The following TNIK variants were observed in gnomAD, a reference collection of about 807,000 sequenced individuals.
TNIK encodes TRAF2 and NCK interacting kinase, also known as TRAF2 and NCK-interacting protein kinase.
TNIK carries 49 observed loss-of-function variants against 191.3 expected under a neutral mutation model. The ratio of observed to expected loss-of-function variants is 0.26; its 90% CI spans 0.20 to 0.32. TNIK has a LOEUF of 0.32. Ranked by LOEUF, TNIK falls within the 10% of genes least tolerant of loss-of-function variation. The pLI, the probability that TNIK is intolerant of heterozygous loss-of-function variation, is 1.00. For missense variants in TNIK, 1,155 were observed against 1,702.3 expected, an observed-to-expected ratio of 0.68 and a Z score of 5.66; for synonymous variants, 594 against 600.9, an observed-to-expected ratio of 0.99 and a Z score of 0.17.
At chr3:171,334,333 C>T (rs763127942) in intron 2 of TNIK, among the ~76,000 whole-genome samples, 5 of 152,148 alleles carry the variant, frequency 3.3e-5, no homozygotes, top group Non-Finnish European at 7.3e-5. Context: ...AACTGGAAGG[C>T]GCCTTCCTGA....
chr3:171,427,929 G>T (rs893470513), intron 1 of TNIK, among the ~76,000 whole-genome samples: 1 of 152,136 alleles, frequency 6.6e-6, no homozygotes, highest in African/African-American at 2.4e-5. Flanking sequence ...GCACTCCTAC[G>T]TGAGAGGACG....
rs780879082 is a variant in TNIK at position 171,063,691 on chromosome 3, C to G, written c.*190G>C. ...CTGGAAATTCCTGCCACCTTTTTCTCTCCTTCTCAACCAGGCTGCAACATT... is the reference window on the plus strand; with the variant it reads ...CTGGAAATTCCTGCCACCTTTTTCTGTCCTTCTCAACCAGGCTGCAACATT... On this transcript the variant is annotated 3_prime_UTR_variant, in exon 33 of 33. Transcript: ENST00000436636. The G allele has an allele frequency of 2.0e-5, 10 of 510,056 alleles. No homozygotes were observed. Among genetic ancestry groups the G allele is most frequent in the South Asian group, 7.0e-5 (2 of 28,630 alleles). 31.6% of individuals were successfully genotyped at this position (510,056 alleles called of 1,614,324 possible).
intron 10 of TNIK, among the ~76,000 whole-genome samples, chr3:171,166,615 C>T (rs946338294): frequency 1.3e-5 from 2 of 152,172 alleles, no homozygotes; most frequent in East Asian, 3.8e-4. Flanking sequence ...ATGATCTTTT[C>T]TATCACTGCA....
chr3:171,318,204 G>A (rs1754837892), intron 2 of TNIK, among the ~76,000 whole-genome samples: 1 of 152,080 alleles, frequency 6.6e-6, no homozygotes, highest in Admixed American at 6.6e-5. Context: ...TCTGGAAACA[G>A]GTTTGCTGCT....
intron 2 of TNIK, among the ~76,000 whole-genome samples, chr3:171,252,269 ATGAC>A (rs1746331647): frequency 6.6e-6 from 1 of 152,204 alleles, no homozygotes; most frequent in African/African-American, 2.4e-5. Flanking sequence ...TGCTAAATAA[ATGAC>A]TGACTTTTAA....
At chr3:171,279,148 T>A (rs569451749) in intron 2 of TNIK, among the ~76,000 whole-genome samples, 1 of 151,994 alleles carries the variant, frequency 6.6e-6, no homozygotes, top group South Asian at 2.1e-4. Context: ...AAAAAAAACC[T>A]AAAGGTAAAC....
intron 1 of TNIK, among the ~76,000 whole-genome samples, chr3:171,381,261 G>A (rs990660412): frequency 6.6e-6 from 1 of 152,136 alleles, no homozygotes; most frequent in Non-Finnish European, 1.5e-5. Context: ...CATGGGTGTT[G>A]AATTTCCACT....
At chr3:171,115,638 A>T (rs1576863731) in intron 18 of TNIK, among the ~76,000 whole-genome samples, 1 of 152,312 alleles carries the variant, frequency 6.6e-6, no homozygotes, top group Admixed American at 6.5e-5. Flanking sequence ...GTGGGTGCAG[A>T]GATGACACTG....
intron 9 of TNIK, among the ~76,000 whole-genome samples, chr3:171,168,300 G>A (rs1734860125): frequency 6.6e-6 from 1 of 152,154 alleles, no homozygotes; most frequent in Admixed American, 6.5e-5. Flanking sequence ...TTCCTGTCCT[G>A]CCCAGAGCAG....
At chr3:171,150,320 T>C (rs574410378) in intron 12 of TNIK, among the ~76,000 whole-genome samples, 106 of 152,318 alleles carry the variant, frequency 7.0e-4, no homozygotes, top group Middle Eastern at 3.4e-3. Context: ...AACTGAGACA[T>C]AGAGAAGTCA....
rs1719636195 is a variant in TNIK, at chr3:171,392,298, G to A, written c.58-22613C>T. ...ACTTGAAAACTGTATATTGAAAAGG[G>A]TGATTCCAGAAATTTAATCTGGTCA... is the stretch of plus-strand genomic sequence containing the variant. On this transcript the variant is annotated intron_variant, in intron 1 of 32. Coordinates refer to ENST00000436636, the MANE Select transcript of TNIK (RefSeq NM_015028.4). Among the ~76,000 whole-genome samples the A allele has an allele frequency of 3.3e-5, 5 of 152,236 alleles. No individual in the cohort carries two copies. The South Asian group carries it at 1.0e-3, about 32-fold the overall frequency.
At chr3:171,150,738 C>G (rs1041434577) in intron 12 of TNIK, among the ~76,000 whole-genome samples, 1 of 152,160 alleles carries the variant, frequency 6.6e-6, no homozygotes, top group Non-Finnish European at 1.5e-5. Flanking sequence ...AAGAATGGGC[C>G]GCCTCCTTGT....
intron 1 of TNIK, among the ~76,000 whole-genome samples, chr3:171,423,924 C>CAAG (rs1489917612): frequency 6.6e-6 from 1 of 152,130 alleles, no homozygotes; most frequent in Non-Finnish European, 1.5e-5. Context: ...TAGGCATGGA[C>CAAG]AAGGACTTCA....
At chr3:171,388,133 A>G (rs1478553446) in intron 1 of TNIK, among the ~76,000 whole-genome samples, 1 of 152,226 alleles carries the variant, frequency 6.6e-6, no homozygotes, top group African/African-American at 2.4e-5. Flanking sequence ...ATTTCCATAT[A>G]TCCTAAAGTA....
At chr3:171,440,535 G>A (rs1332012547) in intron 1 of TNIK, among the ~76,000 whole-genome samples, 1 of 152,162 alleles carries the variant, frequency 6.6e-6, no homozygotes, top group Non-Finnish European at 1.5e-5. Flanking sequence ...AGGTGGAATG[G>A]GGTGGTAGTT....
chr3:171,166,545 T>C (rs980594792), intron 10 of TNIK, among the ~76,000 whole-genome samples: 18 of 119,682 alleles, frequency 1.5e-4, no homozygotes, highest in African/African-American at 6.6e-4. Context: ...AATAAAGAAG[T>C]GTGTTAAATG....
chr3:171,394,885 T>A (rs546576773), intron 1 of TNIK, among the ~76,000 whole-genome samples: 58 of 152,332 alleles, frequency 3.8e-4, no homozygotes, highest in African/African-American at 1.3e-3. Context: ...CAAAACAGTC[T>A]CGCACCTAAG....
chr3:171,225,777 C>T (rs1742892797), intron 3 of TNIK: 1 of 359,272 alleles, frequency 2.8e-6, no homozygotes. Flanking sequence ...ATACTTTGAA[C>T]ATCAACACAC....
intron 2 of TNIK, among the ~76,000 whole-genome samples, chr3:171,259,201 C>T (rs1747283128): frequency 6.6e-6 from 1 of 152,060 alleles, no homozygotes; most frequent in Non-Finnish European, 1.5e-5. Context: ...AATCTCAAAC[C>T]TGGACTTTAC....
Sources: gnomAD v4.1 joint callset for allele counts (sites outside exome capture counted in the v4.1 genomes callset) on GRCh38, gnomAD v4.1.1 for gene constraint, MANE v1.5 for transcripts, NCBI Gene and HGNC (gene_info 2026-07-23, HGNC 2026-07-21) for gene names.